The following ZNF654 variants were observed in gnomAD, a reference collection of about 807,000 sequenced individuals.
The protein encoded by ZNF654 is melanoma-associated antigen.
In ZNF654, 19 loss-of-function variants were observed where a neutral mutation model predicts 95.3. The ratio of observed to expected loss-of-function variants is 0.20; its 90% CI spans 0.14 to 0.29. ZNF654 has a LOEUF of 0.29. Ranked by LOEUF, ZNF654 falls within the 10% of genes least tolerant of loss-of-function variation. The pLI is 1.00. For missense variants in ZNF654, 1,046 were observed against 1,341.0 expected (o/e 0.78, Z 3.44); for synonymous variants, 413 against 457.9 (o/e 0.90, Z 1.25).
rs190727110 is a variant in ZNF654 at position 88,071,590 on chromosome 3, C to T, written c.186+12085C>T. 5.3e-5 allele frequency among the ~76,000 whole-genome samples: 8 copies of T among 152,234 alleles called. No homozygotes were observed. In the South Asian group the frequency reaches 1.5e-3, roughly 28 times the overall value. On this transcript the variant is annotated intron_variant, in intron 1 of 8. Coordinates refer to ENST00000636215, the MANE Select transcript of ZNF654 (RefSeq NM_001350134.2). ...GGCGGAGCTTGCAGTGAGCTGAGAT[C>T]GCGCCACTGCACTCCAGCCTGGGTG...
chr3:88,119,508 A>G (rs1165260324), intron 3 of ZNF654, among the ~76,000 whole-genome samples: 1 of 150,802 alleles, frequency 6.6e-6, no homozygotes, highest in Non-Finnish European at 1.5e-5. Context: ...AACCTGCACA[A>G]TGTGCACGTG....
rs115604256 is a variant in ZNF654, at chr3:88,084,493, G to A, written c.187-1764G>A. 5.3e-3 allele frequency among the ~76,000 whole-genome samples: 810 copies of A among 152,288 alleles called. 4 individuals carry two copies. The highest frequency in any genetic ancestry group is 0.017 in the African/African-American group (695 of 41,536). ...TTTAGTCTGTAGTGATGACCGCATA[G>A]TTAGTAGTAGTTTTTACTTTCCAGC... On this transcript the variant is annotated intron_variant, in intron 1 of 8. Coordinates refer to ENST00000636215, the MANE Select transcript of ZNF654 (RefSeq NM_001350134.2).
At chr3:88,124,228 A>AC (rs1705950754) in intron 3 of ZNF654, among the ~76,000 whole-genome samples, 2 of 152,198 alleles carry the variant, frequency 1.3e-5, no homozygotes, top group African/African-American at 4.8e-5. Flanking sequence ...CTTCATCCTC[A>AC]CAACAATCCT....
At chr3:88,122,078 A>C (rs12629581) in intron 3 of ZNF654, among the ~76,000 whole-genome samples, 13,718 of 152,288 alleles carry the variant, frequency 0.09, 779 homozygotes, top group Non-Finnish European at 0.13. Flanking sequence ...AATGTAGCAC[A>C]AATGTTCAAT....
At chr3:88,117,862 T>C (rs1705503941) in intron 3 of ZNF654, among the ~76,000 whole-genome samples, 1 of 151,826 alleles carries the variant, frequency 6.6e-6, no homozygotes, top group South Asian at 2.1e-4. Context: ...AAGTGCAGCA[T>C]AGAGAAAGTT....
At chr3:88,073,129 C>T (rs1226326031) in intron 1 of ZNF654, among the ~76,000 whole-genome samples, 2 of 150,352 alleles carry the variant, frequency 1.3e-5, no homozygotes, top group Non-Finnish European at 3.0e-5. Context: ...GTGTGGATCT[C>T]CAGACCAACA....
chr3:88,128,202 A>G (rs1706233807), intron 4 of ZNF654, among the ~76,000 whole-genome samples: 1 of 152,088 alleles, frequency 6.6e-6, no homozygotes, highest in Non-Finnish European at 1.5e-5. Flanking sequence ...GTGTTTATAT[A>G]TTTTAAAATT....
At chr3:88,094,002 C>T (rs112626239) in intron 2 of ZNF654, among the ~76,000 whole-genome samples, 1,567 of 152,058 alleles carry the variant, frequency 0.01, 26 homozygotes, top group African/African-American at 0.035. Context: ...TATCTATTGT[C>T]TTTACTAATC....
At chr3:88,099,817 A>G (rs1025048090) in intron 2 of ZNF654, among the ~76,000 whole-genome samples, 2 of 152,224 alleles carry the variant, frequency 1.3e-5, no homozygotes, top group Non-Finnish European at 2.9e-5. Context: ...TTATACAAAA[A>G]TTAATTCAAG....
intron 3 of ZNF654, among the ~76,000 whole-genome samples, chr3:88,121,798 C>G (rs1348191956): frequency 6.6e-6 from 1 of 152,010 alleles, no homozygotes; most frequent in Non-Finnish European, 1.5e-5. Flanking sequence ...ACATTTTTGT[C>G]TTAATTTGCT....
intron 2 of ZNF654, among the ~76,000 whole-genome samples, chr3:88,088,505 T>A (rs1708454167): frequency 6.6e-6 from 1 of 152,170 alleles, no homozygotes; most frequent in Non-Finnish European, 1.5e-5. Context: ...AAAATGAATT[T>A]GAAATTAAGA....
intron 3 of ZNF654, among the ~76,000 whole-genome samples, chr3:88,119,695 CA>C (rs975540707): frequency 5.3e-5 from 8 of 152,086 alleles, no homozygotes; most frequent in Admixed American, 4.6e-4. Context: ...AACCTGTGCT[CA>C]AAAAATCTTG....
chr3:88,103,374 G>GT (rs1479616101), intron 2 of ZNF654, among the ~76,000 whole-genome samples: 1 of 152,168 alleles, frequency 6.6e-6, no homozygotes, highest in Non-Finnish European at 1.5e-5. Flanking sequence ...AGATTCTTTA[G>GT]TAGACTTAAT....
chr3:88,113,973 G>A (rs147901853), intron 3 of ZNF654, among the ~76,000 whole-genome samples: 1 of 152,198 alleles, frequency 6.6e-6, no homozygotes, highest in Non-Finnish European at 1.5e-5. Context: ...GTTCCAATTA[G>A]AGTATATATT....
At chr3:88,087,994 A>G (rs745790017) in intron 2 of ZNF654, among the ~76,000 whole-genome samples, 1 of 152,258 alleles carries the variant, frequency 6.6e-6, no homozygotes, top group South Asian at 2.1e-4. Context: ...GGGATGCTCA[A>G]TCAGTAAGTA....
intron 3 of ZNF654, among the ~76,000 whole-genome samples, chr3:88,125,015 A>G (rs555235698): frequency 5.6e-4 from 85 of 152,260 alleles, no homozygotes; most frequent in African/African-American, 1.9e-3. Flanking sequence ...AGAGATTGAG[A>G]CTATCCTGGC....
At chr3:88,098,868 C>A (rs1350850455) in intron 2 of ZNF654, among the ~76,000 whole-genome samples, 1 of 152,174 alleles carries the variant, frequency 6.6e-6, no homozygotes, top group Non-Finnish European at 1.5e-5. Flanking sequence ...GACAAACCCA[C>A]AGCCAGTATC....
At position 88,088,353 on chromosome 3, in the gene ZNF654, T is replaced by A. The variant is rs1708443584; in HGVS notation, c.332+1951T>A. Among the ~76,000 whole-genome samples the A allele has an allele frequency of 2.0e-5, 3 of 152,130 alleles. No individual in the cohort carries two copies. In the East Asian group the frequency reaches 5.8e-4, roughly 29 times the overall value. ...AAAAATGCAATGAAAAAGTGAAAAA[T>A]AATTTTGAAAGAAAGTGTTAATGTT... On this transcript the variant is annotated intron_variant, in intron 2 of 8. Coordinates refer to ENST00000636215, the MANE Select transcript of ZNF654 (RefSeq NM_001350134.2).
chr3:88,073,887 T>C (rs1465085139), intron 1 of ZNF654, among the ~76,000 whole-genome samples: 2 of 152,224 alleles, frequency 1.3e-5, no homozygotes, highest in African/African-American at 4.8e-5. Context: ...ATAAAACTCA[T>C]AATTTATTTT....
Sources: allele counts gnomAD v4.1 joint callset (sites outside exome capture counted in the v4.1 genomes callset), GRCh38; gene constraint gnomAD v4.1.1; transcripts MANE v1.5; gene names NCBI Gene and HGNC (gene_info 2026-07-23, HGNC 2026-07-21).